The following ARHGAP32 variants were observed in gnomAD, a reference collection of about 807,000 sequenced individuals.
ARHGAP32 encodes rho GTPase-activating protein 32.
A neutral mutation model predicts 186.5 loss-of-function variants in ARHGAP32; 51 were observed. That is an observed-to-expected ratio of 0.27 (90% CI 0.22 to 0.35). The LOEUF (loss-of-function observed/expected upper bound fraction) is 0.35. Among genes scored for constraint, ARHGAP32 ranks in the 10% least tolerant of loss-of-function variants. The pLI, the probability that ARHGAP32 is intolerant of heterozygous loss-of-function variation, is 1.00. For missense variants in ARHGAP32, 2,186 were observed against 2,623.5 expected, an observed-to-expected ratio of 0.83 and a Z score of 3.64; for synonymous variants, 950 against 964.3, an observed-to-expected ratio of 0.99 and a Z score of 0.27.
At chr11:128,972,391 T>C (rs1347315365) in intron 22 of ARHGAP32, 62 bp downstream of exon 22, 5 of 1,476,318 alleles carry the variant, frequency 3.4e-6, no homozygotes, top group Middle Eastern at 2.0e-4. Flanking sequence ...CACACCCTGC[T>C]GAAAAGTGAC....
intron 5 of ARHGAP32, among the ~76,000 whole-genome samples, chr11:129,094,899 A>G (rs1165297331): frequency 6.6e-6 from 1 of 152,182 alleles, no homozygotes; most frequent in East Asian, 1.9e-4. Context: ...ATGTATTCTC[A>G]AGTTTGTGGG....
intron 11 of ARHGAP32, among the ~76,000 whole-genome samples, chr11:129,034,137 C>T (rs1021760259): frequency 6.6e-6 from 1 of 152,136 alleles, no homozygotes; most frequent in Admixed American, 6.5e-5. Flanking sequence ...CATTTTTCAG[C>T]AACTCTGTCT....
intron 1 of ARHGAP32, among the ~76,000 whole-genome samples, chr11:129,209,077 G>A (rs1362164330): frequency 6.6e-6 from 1 of 152,054 alleles, no homozygotes. Flanking sequence ...TTCTTCAAAA[G>A]CATGGCTTTA....
At chr11:129,225,932 C>T (rs560161626) in intron 1 of ARHGAP32, among the ~76,000 whole-genome samples, 15 of 152,090 alleles carry the variant, frequency 9.9e-5, no homozygotes, top group Admixed American at 6.6e-4. Context: ...AAGAACCAAA[C>T]GGAAATTCAG....
At chr11:129,164,472 T>C in intron 1 of ARHGAP32, 45 bp from the exon 2 acceptor site, 1 of 1,126,626 alleles carries the variant, frequency 8.9e-7, no homozygotes, top group Non-Finnish European at 1.3e-6. Flanking sequence ...TTTCCAATTC[T>C]ATGAAAGCCT....
In ARHGAP32 at chr11:129,192,263, G is replaced by A; in HGVS notation, c.-65C>T. The A allele has an allele frequency of 1.7e-6, 2 of 1,146,348 alleles. No homozygotes were observed. The highest frequency in any genetic ancestry group is 2.6e-6 in the Non-Finnish European group (2 of 764,192). The allele number at this position is 1,146,348 out of a possible 1,614,324, so 71.0% of individuals were successfully genotyped here. ...TGGAATAAAAAGCACCAACATTCAG[G>A]TTGTTCAGCTCTACTCATGTATACT... On this transcript the variant is annotated 5_prime_UTR_variant, in exon 1 of 23. Coordinates refer to ENST00000682385, the MANE Select transcript of ARHGAP32 (RefSeq NM_001378024.1).
chr11:129,043,317 C>T (rs1255856621), intron 10 of ARHGAP32, among the ~76,000 whole-genome samples: 5 of 150,046 alleles, frequency 3.3e-5, no homozygotes, highest in Non-Finnish European at 7.4e-5. Flanking sequence ...TATGTTCAAG[C>T]TTTGCAATTT....
intron 1 of ARHGAP32, among the ~76,000 whole-genome samples, chr11:129,245,018 A>T (rs1318844594): frequency 6.6e-6 from 1 of 151,960 alleles, no homozygotes; most frequent in East Asian, 1.9e-4. Context: ...AAACTAGTTC[A>T]ACCATTGTGG....
chr11:129,142,188 A>G (rs1253923200), intron 2 of ARHGAP32, among the ~76,000 whole-genome samples: 1 of 152,174 alleles, frequency 6.6e-6, no homozygotes, highest in African/African-American at 2.4e-5. Context: ...GAGAGGAAGA[A>G]ATACCCCGGC....
intron 2 of ARHGAP32, among the ~76,000 whole-genome samples, chr11:129,155,906 G>T: frequency 6.6e-6 from 1 of 152,200 alleles, no homozygotes; most frequent in East Asian, 1.9e-4. Context: ...ATTAGACAGT[G>T]AGTGCAGCCC....
intron 6 of ARHGAP32, among the ~76,000 whole-genome samples, chr11:129,073,736 T>C (rs914274703): frequency 6.9e-6 from 1 of 144,946 alleles, no homozygotes; most frequent in African/African-American, 2.6e-5. Context: ...GCAGGATAAA[T>C]TGCATCACCC....
intron 10 of ARHGAP32, among the ~76,000 whole-genome samples, chr11:129,053,331 T>C (rs1384716461): frequency 6.6e-6 from 1 of 152,100 alleles, no homozygotes; most frequent in Non-Finnish European, 1.5e-5. Flanking sequence ...AAATTAAAAG[T>C]CATCACGCTT....
chr11:129,093,048 A>T (rs1941623438), intron 6 of ARHGAP32, among the ~76,000 whole-genome samples: 1 of 152,054 alleles, frequency 6.6e-6, no homozygotes, highest in Non-Finnish European at 1.5e-5. Flanking sequence ...AAACAGTTCC[A>T]ATATTAAAAG....
At chr11:129,094,352 C>T (rs1207116728) in intron 5 of ARHGAP32, among the ~76,000 whole-genome samples, 1 of 152,036 alleles carries the variant, frequency 6.6e-6, no homozygotes, top group African/African-American at 2.4e-5. Context: ...AATATATAAA[C>T]CTACTCTGTA....
At chr11:129,101,988 T>A (rs1941913912) in intron 5 of ARHGAP32, among the ~76,000 whole-genome samples, 1 of 152,144 alleles carries the variant, frequency 6.6e-6, no homozygotes, top group Non-Finnish European at 1.5e-5. Flanking sequence ...GGGAAGCCCA[T>A]CAGACTAACC....
intron 11 of ARHGAP32, chr11:129,030,408 G>A (rs1939060789): frequency 6.6e-6 from 1 of 152,096 alleles, no homozygotes; most frequent in African/African-American, 2.4e-5. Flanking sequence ...AACATAAAAA[G>A]CAAGATACTA....
chr11:129,196,844 G>C (rs535694843), upstream of ARHGAP32, among the ~76,000 whole-genome samples: 1 of 152,204 alleles, frequency 6.6e-6, no homozygotes, highest in South Asian at 2.1e-4. Flanking sequence ...ATCACCTGAG[G>C]TCTGGAGTTC....
intron 1 of ARHGAP32, among the ~76,000 whole-genome samples, chr11:129,250,733 AGTCT>A (rs1333650490): frequency 2.0e-5 from 3 of 152,186 alleles, no homozygotes; most frequent in Non-Finnish European, 2.9e-5. Flanking sequence ...GCTTTTCAAC[AGTCT>A]CATTTTTTAA....
At position 129,063,934 on chromosome 11, in the gene ARHGAP32, T is replaced by C; in HGVS notation, c.853A>G (p.Thr285Ala). ...VGAAHVIKRY[T>A]ARAPDELTLE... ...GTCAGTTCGTCAGGGGCCCGAGCAG[T>C]GTACCTCTTGATAACATGGGCAGCA... is the stretch of plus-strand genomic sequence containing the variant. The change falls in exon 9 of 23, where the codon ACT becomes GCT. Residue 285 changes from threonine to alanine, a missense_variant. By Grantham distance (58) the Thr-to-Ala change is moderately conservative. Coordinates refer to ENST00000682385, the MANE Select transcript of ARHGAP32 (RefSeq NM_001378024.1). 1.2e-6 allele frequency: 2 copies of C among 1,612,628 alleles called. No individual in the cohort carries two copies. The highest frequency in any genetic ancestry group is 1.1e-5 in the South Asian group (1 of 90,896).
Sources: allele counts gnomAD v4.1 joint callset (sites outside exome capture counted in the v4.1 genomes callset), GRCh38; gene constraint gnomAD v4.1.1; transcripts MANE v1.5; gene names NCBI Gene and HGNC (gene_info 2026-07-23, HGNC 2026-07-21).